The following ERBB2 variants were observed in gnomAD, a reference collection of about 807,000 sequenced individuals.
ERBB2 encodes erb-b2 receptor tyrosine kinase 2.
A neutral mutation model predicts 149.0 loss-of-function variants in ERBB2; 61 were observed. The ratio of observed to expected loss-of-function variants is 0.41; its 90% confidence interval spans 0.33 to 0.51. The LOEUF (loss-of-function observed/expected upper bound fraction) is 0.51. ERBB2 is among the 20% of genes least tolerant of loss of function. The probability of loss-of-function intolerance (pLI) is 0.25; values close to 1 mark genes in which losing one functional copy is unlikely to be tolerated. For missense variants in ERBB2, 1,205 were observed against 1,655.1 expected (o/e 0.73, Z 4.72); for synonymous variants, 633 against 678.8 (o/e 0.93, Z 1.05).
intron 16 of ERBB2, among the ~76,000 whole-genome samples, chr17:39,721,529 C>T (rs2059454170): frequency 6.6e-6 from 1 of 152,238 alleles, no homozygotes; most frequent in Non-Finnish European, 1.5e-5. Context: ...CTGCCTCGGC[C>T]TCCCAAAGTG....
intron 4 of ERBB2, 135 bp downstream of exon 4, chr17:39,709,587 T>G: frequency 9.7e-7 from 1 of 1,032,368 alleles, no homozygotes. Flanking sequence ...TCTCTGTCCC[T>G]CCTGCCATCT....
In ERBB2 at chr17:39,710,176, C is replaced by T. The variant is rs376183465; in HGVS notation, c.734C>T (p.Thr245Met). Residue 245 changes from threonine (T) to methionine (M), a missense_variant, in exon 6 of 27, where the codon ACG becomes ATG. Physicochemically the swap from Thr to Met is moderately conservative, Grantham distance 81. Transcript: ENST00000269571. ...CATGAGCAGTGTGCTGCCGGCTGCA[C>T]GGGCCCCAAGCACTCTGACTGCCTG... ...CCHEQCAAGC[T>M]GPKHSDCLAC... 176 of 1,612,696 alleles carry T rather than the reference C, an allele frequency of 1.1e-4. No individual in the cohort carries two copies. The highest frequency in any genetic ancestry group is 1.4e-4 in the Non-Finnish European group (160 of 1,179,734).
intron 1 of ERBB2, among the ~76,000 whole-genome samples, chr17:39,702,743 C>T (rs2058187519): frequency 6.6e-6 from 1 of 152,118 alleles, no homozygotes; most frequent in African/African-American, 2.4e-5. Flanking sequence ...GGTGTACTTC[C>T]TATATGCTAG....
rs770903497 is a variant in ERBB2, at chr17:39,711,947, C to T, written c.921C>T (p.Asp307=). The T allele has an allele frequency of 5.6e-6, 9 of 1,613,990 alleles. No homozygotes were observed. Among genetic ancestry groups the T allele is most frequent in the African/African-American group, 4.0e-5 (3 of 74,924 alleles). Reference sequence around the variant, plus strand: ...CCTTAGACAACTACCTTTCTACGGACGTGGGATCCTGCACCCTCGTCTGCC... The same window carrying T: ...CCTTAGACAACTACCTTTCTACGGATGTGGGATCCTGCACCCTCGTCTGCC... The part of the protein sequence containing the change: ...TACPYNYLST[D]VGSCTLVCPL... Residue 307 remains aspartate, a synonymous_variant, in exon 8 of 27, where the codon GAC becomes GAT. Transcript: ENST00000269571.
In ERBB2 at chr17:39,717,309, G is replaced by C; in HGVS notation, c.1738-11G>C. ...TGCCAGCCCCCCACAAATCTTTTCT[G>C]CCCCCCCCAGGAGGCTGACCAGTGT... On this transcript the variant is annotated splice_polypyrimidine_tract_variant and intron_variant, in intron 14 of 26. Transcript: ENST00000269571. 6.3e-7 allele frequency: 1 copy of C among 1,582,728 alleles called. No homozygotes were observed. Among genetic ancestry groups the C allele is most frequent in the East Asian group, 2.3e-5 (1 of 43,800 alleles).
chr17:39,715,564 T>C, intron 11 of ERBB2, 28 bp downstream of exon 11: 1 of 1,606,288 alleles, frequency 6.2e-7, no homozygotes, highest in Non-Finnish European at 8.5e-7. Context: ...GGGGGCCTGA[T>C]GGGGAGGAGT....
In ERBB2 at chr17:39,717,483, G is replaced by A. The variant is rs2145713238; in HGVS notation, c.1898+3G>A. On this transcript the variant is annotated splice_donor_region_variant and intron_variant, in intron 15 of 26. Transcript: ENST00000269571. Reference sequence around the variant, plus strand: ...TGCCCCATCAACTGCACCCACTCGTGAGTCCAACGGTCTTTTCTGCAGAAA... The same window carrying A: ...TGCCCCATCAACTGCACCCACTCGTAAGTCCAACGGTCTTTTCTGCAGAAA... 1 of 1,605,924 alleles carries A rather than the reference G, an allele frequency of 6.2e-7. No individual in the cohort carries two copies. Among genetic ancestry groups the A allele is most frequent in the Non-Finnish European group, 8.5e-7 (1 of 1,174,320 alleles).
chr17:39,713,758 G>GAA (rs774902171), intron 9 of ERBB2, among the ~76,000 whole-genome samples: 15 of 88,912 alleles, frequency 1.7e-4, no homozygotes, highest in African/African-American at 3.3e-4. Context: ...GTCTCAAAAA[G>GAA]AAAAAAAAAA....
At position 39,727,442 on chromosome 17, in the gene ERBB2, A is replaced by T. The variant is rs2143248685; in HGVS notation, c.3307A>T (p.Thr1103Ser). 6.2e-7 allele frequency: 1 copy of T among 1,611,316 alleles called. No homozygotes were observed. The highest frequency in any genetic ancestry group is 8.5e-7 in the Non-Finnish European group (1 of 1,179,178). ...AGCCAAGGGGCTGCAAAGCCTCCCC[A>T]CACATGACCCCAGCCCTCTACAGCG... ...GAAKGLQSLP[T>S]HDPSPLQRYS... The change falls in exon 26 of 27, where the codon ACA (threonine) becomes TCA (serine). Residue 1103 changes from threonine (T) to serine (S), a missense_variant. By Grantham distance (58) the Thr-to-Ser change is moderately conservative. This residue lies in a region of ERBB2 where 312 missense variants were observed against 343.8 expected (regional missense o/e 0.91). Coordinates refer to ENST00000269571, the MANE Select transcript of ERBB2 (RefSeq NM_004448.4). This position sits in a 1 kb window ranked among gnomAD's most constrained non-coding sequence, Gnocchi z 4.3.
At chr17:39,711,383 A>G (rs2058789589) in intron 7 of ERBB2, among the ~76,000 whole-genome samples, 1 of 150,284 alleles carries the variant, frequency 6.7e-6, no homozygotes, top group East Asian at 2.0e-4. Context: ...GTAGAGACGG[A>G]GTTTCACTAT....
chr17:39,691,582 C>CACACAT (rs1221247856), upstream of ERBB2, among the ~76,000 whole-genome samples: 2 of 140,438 alleles, frequency 1.4e-5, no homozygotes, highest in African/African-American at 5.8e-5. Context: ...TATACACACA[C>CACACAT]ACACACACAC....
chr17:39,708,440 C>T lies in ERBB2; in HGVS notation c.345C>T (p.Ala115=), dbSNP rs200102353. ...TQLFEDNYAL[A]VLDNGDPLNN... Reference sequence around the variant, plus strand: ...TCTTTGAGGACAACTATGCCCTGGCCGTGCTAGACAATGGAGACCCGCTGA... The same window carrying T: ...TCTTTGAGGACAACTATGCCCTGGCTGTGCTAGACAATGGAGACCCGCTGA... The change falls in exon 3 of 27, where the codon GCC becomes GCT. Residue 115 remains alanine, a synonymous_variant. Coordinates refer to ENST00000269571, the MANE Select transcript of ERBB2 (RefSeq NM_004448.4). The T allele has an allele frequency of 4.8e-4, 770 of 1,614,210 alleles. 3 individuals carry two copies. Among genetic ancestry groups the T allele is most frequent in the South Asian group, 2.7e-3 (250 of 91,084 alleles).
At chr17:39,701,539 G>A (rs1281943601) in intron 1 of ERBB2, among the ~76,000 whole-genome samples, 1 of 152,184 alleles carries the variant, frequency 6.6e-6, no homozygotes, top group African/African-American at 2.4e-5. Flanking sequence ...TAGGTCAGAG[G>A]GTCTGGGGAG....
chr17:39,709,253 G>T, intron 3 of ERBB2, 65 bp from the exon 4 acceptor site: 1 of 1,588,330 alleles, frequency 6.3e-7, no homozygotes, highest in Non-Finnish European at 8.6e-7. Flanking sequence ...AAGGCAGGAG[G>T]GCCCCAAGGG....
chr17:39,727,688 G>C lies in ERBB2; in HGVS notation c.3413-1G>C, dbSNP rs745365845. The C allele has an allele frequency of 6.5e-7, 1 of 1,546,288 alleles. No homozygotes were observed. The highest frequency in any genetic ancestry group is 1.2e-5 in the South Asian group (1 of 81,024). ...TGGGTCACCTTCTCTTGACCTTTCA[G>C]AATATGTGAACCAGCCAGATGTTCG... is the stretch of plus-strand genomic sequence containing the variant. On this transcript the variant is annotated splice_acceptor_variant, in intron 26 of 26. Coordinates refer to ENST00000269571, the MANE Select transcript of ERBB2 (RefSeq NM_004448.4). LOFTEE classifies it high-confidence loss of function. The surrounding 1 kb of genome is among the most constrained non-coding windows in gnomAD (Gnocchi z 4.3).
chr17:39,698,016 G>T (rs1456184593), upstream of ERBB2, among the ~76,000 whole-genome samples: 5 of 152,072 alleles, frequency 3.3e-5, no homozygotes, highest in African/African-American at 4.8e-5. Context: ...TTCTTAAAGA[G>T]AGTTTCCCAA....
intron 16 of ERBB2, among the ~76,000 whole-genome samples, chr17:39,721,876 A>G (rs1203990741): frequency 1.3e-5 from 2 of 152,174 alleles, no homozygotes; most frequent in Admixed American, 1.3e-4. Context: ...TTGAATACCC[A>G]TACAGCCATT....
At chr17:39,719,003 G>A (rs1225375243) in intron 15 of ERBB2, among the ~76,000 whole-genome samples, 7 of 152,240 alleles carry the variant, frequency 4.6e-5, no homozygotes, top group East Asian at 1.9e-4. Context: ...GCTCACGCCT[G>A]TAATCCCAGC....
At position 39,727,712 on chromosome 17, in the gene ERBB2, C is replaced by T. The variant is rs762062043; in HGVS notation, c.3436C>T (p.Arg1146Trp). 3.8e-5 allele frequency: 59 copies of T among 1,557,370 alleles called. No homozygotes were observed. The East Asian group carries it at 1.0e-3, about 27-fold the overall frequency. ...AGAATATGTGAACCAGCCAGATGTT[C>T]GGCCCCAGCCCCCTTCGCCCCGAGA... ...QPEYVNQPDVRPQPPSPREGP... is the reference protein window; with the variant it reads ...QPEYVNQPDVWPQPPSPREGP... Residue 1146 changes from arginine (R) to tryptophan (W), a missense_variant, in exon 27 of 27, where the codon CGG becomes TGG. Coordinates refer to ENST00000269571, the MANE Select transcript of ERBB2 (RefSeq NM_004448.4). The surrounding 1 kb of genome is among the most constrained non-coding windows in gnomAD (Gnocchi z 4.3).
Sources: gnomAD v4.1 joint callset for allele counts (sites outside exome capture counted in the v4.1 genomes callset) on GRCh38, gnomAD v4.1.1 for gene constraint, gnomAD v4.1.1 regional missense constraint, Gnocchi (gnomAD v3.1) non-coding constraint, MANE v1.5 for transcripts, NCBI Gene and HGNC (gene_info 2026-07-23, HGNC 2026-07-21) for gene names.